Variants in CACNA2D1 observed in about 807,000 individuals in gnomAD.
CACNA2D1 encodes the protein voltage-dependent calcium channel subunit alpha-2/delta-1.
CACNA2D1 carries 53 observed loss-of-function variants against 171.5 expected under a neutral mutation model. The ratio of observed to expected loss-of-function variants is 0.31; its 90% CI spans 0.25 to 0.39. The LOEUF (loss-of-function observed/expected upper bound fraction) is 0.39, where lower values mean the gene tolerates loss of function less well. Among genes scored for constraint, CACNA2D1 ranks in the 10% least tolerant of loss-of-function variants. The probability of loss-of-function intolerance (pLI) is 1.00; values close to 1 mark genes in which losing one functional copy is unlikely to be tolerated. For synonymous variants in CACNA2D1, 442 were observed against 443.1 expected (o/e 1.00, Z 0.03); for missense variants, 903 against 1,299.8 (o/e 0.69, Z 4.69).
In CACNA2D1 at chr7:81,949,724, TCTTAGTTA is replaced by T. The variant is rs1324704554; in HGVS notation, c.*660_*667del. 6.6e-6 allele frequency: 1 copy of T among 152,316 alleles called. No individual in the cohort carries two copies. The highest frequency in any genetic ancestry group is 6.5e-5 in the Admixed American group (1 of 15,268). The allele number at this position is 152,316 out of a possible 1,614,324, so 9.4% of individuals were successfully genotyped here. On this transcript the variant is annotated 3_prime_UTR_variant, in exon 39 of 39. Coordinates refer to ENST00000356860, the MANE Select transcript of CACNA2D1 (RefSeq NM_000722.4). ...CTCAAGCACCTTTAGTTTAATAATTTCTTAGTTACTATTTTCAAACCATCAATTCATTA... is the reference window on the plus strand; with the variant it reads ...CTCAAGCACCTTTAGTTTAATAATTTCTATTTTCAAACCATCAATTCATTA...
intron 3 of CACNA2D1, among the ~76,000 whole-genome samples, chr7:82,198,397 G>A (rs921075443): frequency 1.3e-5 from 2 of 152,054 alleles, no homozygotes; most frequent in Non-Finnish European, 2.9e-5. Context: ...CTGCAAAATG[G>A]ACTCATGGAG....
At chr7:82,399,026 T>A (rs932692453) in intron 1 of CACNA2D1, among the ~76,000 whole-genome samples, 2 of 152,142 alleles carry the variant, frequency 1.3e-5, no homozygotes, top group African/African-American at 4.8e-5. Flanking sequence ...CCTTCTACAT[T>A]TGAATCACCA....
At chr7:82,096,878 G>A (rs1412248297) in intron 6 of CACNA2D1, among the ~76,000 whole-genome samples, 1 of 151,904 alleles carries the variant, frequency 6.6e-6, no homozygotes, top group African/African-American at 2.4e-5. Flanking sequence ...TTTCAAATAA[G>A]TTGTGATCAC....
chr7:82,249,066 A>G (rs1805303051), intron 3 of CACNA2D1, among the ~76,000 whole-genome samples: 1 of 151,592 alleles, frequency 6.6e-6, no homozygotes, highest in South Asian at 2.1e-4. Context: ...CAGTGAGCTG[A>G]GATCGCGCCA....
rs750055439 is a variant in CACNA2D1, at chr7:82,335,074, A to G, written c.294+61T>C. 356 of 1,099,278 alleles carry G rather than the reference A, an allele frequency of 3.2e-4. 1 individual carries two copies. Among genetic ancestry groups the G allele is most frequent in the Non-Finnish European group, 4.5e-4 (322 of 710,852 alleles). The allele number at this position is 1,099,278 out of a possible 1,614,324, so 68.1% of individuals were successfully genotyped here. A position where few individuals can be genotyped will look rare whatever the true frequency, so the allele number is the denominator to read the frequency against. On this transcript the variant is annotated intron_variant, in intron 3 of 38. Transcript: ENST00000356860. ...TACCAAAACCCCTCAATAGAGCATG[A>G]AAATTAAATAATAGATAAGTAAGGA...
intron 3 of CACNA2D1, among the ~76,000 whole-genome samples, chr7:82,261,327 T>TA (rs1295404020): frequency 1.3e-5 from 2 of 152,202 alleles, no homozygotes; most frequent in African/African-American, 4.8e-5. Context: ...TGCATTGTGT[T>TA]ATAGCCTTTC....
At chr7:81,987,475 A>C (rs532908057) in intron 21 of CACNA2D1, among the ~76,000 whole-genome samples, 121 of 152,328 alleles carry the variant, frequency 7.9e-4, no homozygotes, top group African/African-American at 2.8e-3. Flanking sequence ...TATCTCCATA[A>C]AAGTAAATTA....
intron 38 of CACNA2D1, among the ~76,000 whole-genome samples, chr7:81,956,277 G>A (rs1793331864): frequency 1.3e-5 from 2 of 151,740 alleles, no homozygotes. Flanking sequence ...CCCAGCCGTT[G>A]CTATAAGTTT....
chr7:82,110,355 C>CT (rs1270122455), intron 6 of CACNA2D1, among the ~76,000 whole-genome samples: 1 of 152,092 alleles, frequency 6.6e-6, no homozygotes, highest in African/African-American at 2.4e-5. Flanking sequence ...AAAGAGCTTG[C>CT]TCGCTCTCTC....
chr7:82,153,610 A>G (rs1374612397), intron 4 of CACNA2D1, among the ~76,000 whole-genome samples: 1 of 152,140 alleles, frequency 6.6e-6, no homozygotes, highest in Non-Finnish European at 1.5e-5. Context: ...TTTATTTGTG[A>G]CAATCATCAT....
chr7:82,047,546 A>G (rs1299843469), intron 10 of CACNA2D1, among the ~76,000 whole-genome samples: 1 of 152,158 alleles, frequency 6.6e-6, no homozygotes, highest in Admixed American at 6.6e-5. Flanking sequence ...ACATAAGAAC[A>G]CAAAGTTAAC....
At chr7:82,147,732 A>G (rs1273002051) in intron 4 of CACNA2D1, among the ~76,000 whole-genome samples, 2 of 152,190 alleles carry the variant, frequency 1.3e-5, no homozygotes, top group South Asian at 2.1e-4. Context: ...CCAGATTATT[A>G]TCCTACTAAA....
intron 3 of CACNA2D1, among the ~76,000 whole-genome samples, chr7:82,307,542 C>G (rs1813899175): frequency 6.6e-6 from 1 of 150,630 alleles, no homozygotes; most frequent in African/African-American, 2.4e-5. Context: ...ATTTATAATT[C>G]TTATAAAGAA....
chr7:82,440,601 A>G (rs1314865850), intron 1 of CACNA2D1, among the ~76,000 whole-genome samples: 1 of 151,896 alleles, frequency 6.6e-6, no homozygotes, highest in East Asian at 1.9e-4. Flanking sequence ...CACCTAACCC[A>G]GAGAAATAAT....
intron 1 of CACNA2D1, among the ~76,000 whole-genome samples, chr7:82,354,892 C>T (rs1181108849): frequency 2.0e-5 from 3 of 152,088 alleles, no homozygotes; most frequent in African/African-American, 7.2e-5. Context: ...TCCACACATT[C>T]TAAATTAACA....
intron 3 of CACNA2D1, among the ~76,000 whole-genome samples, chr7:82,178,847 G>A (rs1489006373): frequency 6.6e-6 from 1 of 152,038 alleles, no homozygotes; most frequent in Non-Finnish European, 1.5e-5. Flanking sequence ...TCCAGTGCAG[G>A]AAGCAGTTCT....
At chr7:82,167,195 A>G (rs1024411073) in intron 4 of CACNA2D1, among the ~76,000 whole-genome samples, 29 of 152,162 alleles carry the variant, frequency 1.9e-4, no homozygotes, top group African/African-American at 7.0e-4. Flanking sequence ...TAAAAGAATT[A>G]TAAAGTTTAA....
intron 7 of CACNA2D1, among the ~76,000 whole-genome samples, chr7:82,078,280 C>T (rs907044546): frequency 3.9e-5 from 6 of 152,026 alleles, no homozygotes; most frequent in Admixed American, 1.3e-4. Flanking sequence ...TTAATAAATA[C>T]AACTAATTGT....
At chr7:82,205,552 TA>T (rs77732585) in intron 3 of CACNA2D1, among the ~76,000 whole-genome samples, 40,151 of 151,684 alleles carry the variant, frequency 0.26, 6,541 homozygotes, top group Non-Finnish European at 0.37. Context: ...ATTACCTTTT[TA>T]AAAAAAAATT....
Sources: allele counts gnomAD v4.1 joint callset (sites outside exome capture counted in the v4.1 genomes callset), GRCh38; gene constraint gnomAD v4.1.1; transcripts MANE v1.5; gene names NCBI Gene and HGNC (gene_info 2026-07-23, HGNC 2026-07-21).